BMP15: variants seen among roughly 807,000 people sequenced by gnomAD.
BMP15 encodes growth/differentiation factor 9B.
A neutral mutation model predicts 4.4 loss-of-function variants in BMP15; 5 were observed. The observed-to-expected ratio is 1.13, with a 90% CI of 0.59 to 2.38. BMP15 has a LOEUF of 2.38. BMP15 is among the 30% of genes most tolerant of loss of function. The probability of loss-of-function intolerance (pLI) is 0.01; values close to 1 mark genes in which losing one functional copy is unlikely to be tolerated. For synonymous variants in BMP15, 125 were observed against 114.6 expected (o/e 1.09, Z -0.58); for missense variants, 339 against 309.8 (o/e 1.09, Z -0.71).
chrX:50,910,972 A>G lies in BMP15; in HGVS notation c.189A>G (p.Leu63=), dbSNP rs1923001907. 1 of 1,190,298 alleles carries G rather than the reference A, an allele frequency of 8.4e-7. No individual in the cohort carries two copies. ...AACAGCCAAGGAAGCCCCGGCTCCTAGGGCATTCACTGCGGTACATGCTGG... is the reference window on the plus strand; with the variant it reads ...AACAGCCAAGGAAGCCCCGGCTCCTGGGGCATTCACTGCGGTACATGCTGG... ...PGEQPRKPRL[L]GHSLRYMLEL... The change falls in exon 1 of 2, where the codon CTA becomes CTG. Residue 63 remains leucine (L), a synonymous_variant. Coordinates refer to ENST00000252677, the MANE Select transcript of BMP15 (RefSeq NM_005448.2).
In BMP15 at chrX:50,916,163, G is replaced by A. The variant is rs781814183; in HGVS notation, c.735G>A (p.Lys245=). 2.5e-6 allele frequency: 3 copies of A among 1,211,569 alleles called. No homozygotes were observed. Among genetic ancestry groups the A allele is most frequent in the Non-Finnish European group, 3.4e-6 (3 of 895,496 alleles). ...ATGATACTCATAAAAGCATTCGGAA[G>A]GCTAAATTTCTTCCCAGGGGCATGG... ...YFNDTHKSIR[K]AKFLPRGMEE... Residue 245 remains lysine (K), a synonymous_variant, in exon 2 of 2, where the codon AAG becomes AAA. Coordinates refer to ENST00000252677, the MANE Select transcript of BMP15 (RefSeq NM_005448.2).
intron 1 of BMP15, among the ~76,000 whole-genome samples, chrX:50,912,850 A>T (rs1557280063): frequency 8.9e-6 from 1 of 111,926 alleles, no homozygotes; most frequent in African/African-American, 3.3e-5. Context: ...GGTTGTTAAG[A>T]TAGAGAATGG....
intron 1 of BMP15, 36 bp downstream of exon 1, chrX:50,911,147 A>G (rs1923007507): frequency 8.8e-7 from 1 of 1,132,521 alleles, no homozygotes; most frequent in African/African-American, 1.8e-5. Flanking sequence ...CCTGGAAGGG[A>G]GAGAAGTGGA....
rs782227114 is a variant in BMP15, at chrX:50,916,015, A to G, written c.587A>G (p.Asn196Ser). Reference sequence around the variant, plus strand: ...CAACTTGTTCAGCAAAGGTTCTGGAATAACAAGGGACACAGGATCCTACGA... The same window carrying G: ...CAACTTGTTCAGCAAAGGTTCTGGAGTAACAAGGGACACAGGATCCTACGA... The part of the protein sequence containing the change: ...ITQLVQQRFW[N>S]NKGHRILRLR... The change falls in exon 2 of 2, where the codon AAT (asparagine) becomes AGT (serine). Residue 196 changes from asparagine to serine, a missense_variant. Transcript: ENST00000252677. 2 of 1,212,084 alleles carry G rather than the reference A, an allele frequency of 1.7e-6. No homozygotes were observed. Among genetic ancestry groups the G allele is most frequent in the Non-Finnish European group, 2.2e-6 (2 of 895,622 alleles).
chrX:50,911,800 G>A (rs1169637324), intron 1 of BMP15, among the ~76,000 whole-genome samples: 10 of 111,447 alleles, frequency 9.0e-5, no homozygotes, highest in African/African-American at 3.3e-4. Context: ...ACCCCCAATA[G>A]TTTTTCTACT....
rs1557279929 is a variant in BMP15, at chrX:50,911,036, A to G, written c.253A>G (p.Arg85Gly). The change falls in exon 1 of 2, where the codon AGA becomes GGA. Residue 85 changes from arginine to glycine, a missense_variant. Physicochemically the swap from Arg to Gly is moderately radical, Grantham distance 125. Transcript: ENST00000252677. ...TTCAGCTGACTCGCATGGGCACCCT[A>G]GAGAGAACCGCACCATTGGGGCCAC... is the stretch of plus-strand genomic sequence containing the variant. ...RRSADSHGHP[R>G]ENRTIGATMV... The G allele has an allele frequency of 8.3e-7, 1 of 1,199,197 alleles. No homozygotes were observed. Among genetic ancestry groups the G allele is most frequent in the Admixed American group, 2.2e-5 (1 of 44,776 alleles).
chrX:50,916,095 G>A lies in BMP15; in HGVS notation c.667G>A (p.Gly223Ser), dbSNP rs782567365. Residue 223 changes from glycine (G) to serine (S), a missense_variant, in exon 2 of 2, where the codon GGC becomes AGC. Transcript: ENST00000252677. Reference sequence around the variant, plus strand: ...TAGTGGTGGTCTTGAGCTCTGGCATGGCACTTCATCCTTGGACATTGCCTT... The same window carrying A: ...TAGTGGTGGTCTTGAGCTCTGGCATAGCACTTCATCCTTGGACATTGCCTT... The part of the protein sequence containing the change: ...KDSGGLELWH[G>S]TSSLDIAFLL... 2 of 1,210,013 alleles carry A rather than the reference G, an allele frequency of 1.7e-6. No homozygotes were observed. The highest frequency in any genetic ancestry group is 1.8e-5 in the African/African-American group (1 of 57,120).
At chrX:50,912,627 T>C (rs1372037782) in intron 1 of BMP15, among the ~76,000 whole-genome samples, 3 of 111,278 alleles carry the variant, frequency 2.7e-5, no homozygotes, top group Non-Finnish European at 3.8e-5. Context: ...GATAAGTGCA[T>C]TCTGATTTAG....
chrX:50,910,775 C>G lies in BMP15; in HGVS notation c.-9C>G, dbSNP rs3810682. The G allele has an allele frequency of 0.21, 250,592 of 1,198,204 alleles. 18,782 individuals are homozygous for G. The highest frequency in any genetic ancestry group is 0.24 in the Middle Eastern group (1,059 of 4,343). On this transcript the variant is annotated 5_prime_UTR_variant, in exon 1 of 2. Coordinates refer to ENST00000252677, the MANE Select transcript of BMP15 (RefSeq NM_005448.2). ...TTGGGGCCTGTTGTTGAACACTAAG[C>G]CTTTCAAGATGGTCCTCCTCAGTAT...
At chrX:50,911,901 T>G (rs781959753) in intron 1 of BMP15, among the ~76,000 whole-genome samples, 10 of 111,551 alleles carry the variant, frequency 9.0e-5, no homozygotes, top group Admixed American at 2.9e-4. Flanking sequence ...TTTTAACATT[T>G]GCATCAGACA....
Position 50,916,178 on chromosome X carries a change from CA to C in BMP15, c.751del (p.Arg251GlyfsTer119). On this transcript the variant is annotated frameshift_variant, in exon 2 of 2. Coordinates refer to ENST00000252677, the MANE Select transcript of BMP15 (RefSeq NM_005448.2). LOFTEE classifies it low-confidence loss of function (END_TRUNC). ...KSIRKAKFLPRGMEEFMERES... is the reference protein window; with the variant it reads ...KSIRKAKFLPXGMEEFMERES... Reference sequence around the variant, plus strand: ...GCATTCGGAAGGCTAAATTTCTTCCCAGGGGCATGGAGGAGTTCATGGAAAG... The same window carrying C: ...GCATTCGGAAGGCTAAATTTCTTCCCGGGGCATGGAGGAGTTCATGGAAAG... 5.0e-6 allele frequency: 6 copies of C among 1,209,127 alleles called. No homozygotes were observed. Among genetic ancestry groups the C allele is most frequent in the Non-Finnish European group, 6.7e-6 (6 of 895,444 alleles).
At chrX:50,914,810 G>T (rs1923093696) in intron 1 of BMP15, among the ~76,000 whole-genome samples, 1 of 111,620 alleles carries the variant, frequency 9.0e-6, no homozygotes, top group Non-Finnish European at 1.9e-5. Context: ...CCGGGAGGGG[G>T]TGCAGAAGTT....
chrX:50,916,152 A>G lies in BMP15; in HGVS notation c.724A>G (p.Ser242Gly), dbSNP rs1923126955. The G allele has an allele frequency of 8.3e-7, 1 of 1,211,652 alleles. No homozygotes were observed. The highest frequency in any genetic ancestry group is 2.2e-5 in the Admixed American group (1 of 45,979). ...LLLYFNDTHK[S>G]IRKAKFLPRG... ...ACTCTATTTCAATGATACTCATAAA[A>G]GCATTCGGAAGGCTAAATTTCTTCC... Residue 242 changes from serine (S) to glycine (G), a missense_variant, in exon 2 of 2, where the codon AGC becomes GGC. Ser to Gly is a moderately conservative substitution (Grantham distance 56). Transcript: ENST00000252677.
intron 1 of BMP15, among the ~76,000 whole-genome samples, chrX:50,914,186 G>A (rs782429735): frequency 9.0e-6 from 1 of 111,367 alleles, no homozygotes; most frequent in Non-Finnish European, 1.9e-5. Flanking sequence ...TGGCCAGGCT[G>A]GTCTCAAACT....
At position 50,916,475 on chromosome X, in the gene BMP15, C is replaced by T. The variant is rs570294271; in HGVS notation, c.1047C>T (p.Asp349=). 1 of 1,211,402 alleles carries T rather than the reference C, an allele frequency of 8.3e-7. No individual in the cohort carries two copies. The highest frequency in any genetic ancestry group is 1.8e-5 in the South Asian group (1 of 56,918). Residue 349 remains aspartate, a synonymous_variant, in exon 2 of 2, where the codon GAC becomes GAT. Coordinates refer to ENST00000252677, the MANE Select transcript of BMP15 (RefSeq NM_005448.2). ...IIQNLINQLV[D]QSVPRPSCVP... Reference sequence around the variant, plus strand: ...AGAACCTTATCAATCAGTTGGTGGACCAGAGTGTCCCCCGGCCCTCCTGTG... The same window carrying T: ...AGAACCTTATCAATCAGTTGGTGGATCAGAGTGTCCCCCGGCCCTCCTGTG...
At chrX:50,914,116 GCC>G (rs1923071658) in intron 1 of BMP15, among the ~76,000 whole-genome samples, 2 of 111,615 alleles carry the variant, frequency 1.8e-5, no homozygotes, top group Non-Finnish European at 3.8e-5. Flanking sequence ...GATTACAGGT[GCC>G]TGCCACCACG....
chrX:50,915,194 G>C (rs1923100570), intron 1 of BMP15, among the ~76,000 whole-genome samples: 1 of 111,106 alleles, frequency 9.0e-6, no homozygotes, highest in Non-Finnish European at 1.9e-5. Flanking sequence ...AATTATAGCA[G>C]GCCATAGCAC....
Position 50,916,375 on chromosome X carries a change from C to T in BMP15, c.947C>T (p.Thr316Ile). 2 of 1,196,587 alleles carry T rather than the reference C, an allele frequency of 1.7e-6. No individual in the cohort carries two copies. The highest frequency in any genetic ancestry group is 2.3e-6 in the Non-Finnish European group (2 of 886,845). ...DHWIIAPPFY[T>I]PNYCKGTCLR... ...TGGATCATTGCTCCCCCTTTCTACACCCCAAACTACTGTAAAGGAACTTGT... is the reference window on the plus strand; with the variant it reads ...TGGATCATTGCTCCCCCTTTCTACATCCCAAACTACTGTAAAGGAACTTGT... The change falls in exon 2 of 2, where the codon ACC becomes ATC. Residue 316 changes from threonine (T) to isoleucine (I), a missense_variant. By Grantham distance (89) the Thr-to-Ile change is moderately conservative. Transcript: ENST00000252677.
At position 50,916,097 on chromosome X, in the gene BMP15, C is replaced by A; in HGVS notation, c.669C>A (p.Gly223=). 1 of 1,211,965 alleles carries A rather than the reference C, an allele frequency of 8.3e-7. No homozygotes were observed. The highest frequency in any genetic ancestry group is 1.1e-6 in the Non-Finnish European group (1 of 895,565). The change falls in exon 2 of 2, where the codon GGC becomes GGA. Residue 223 remains glycine (G), a synonymous_variant. Transcript: ENST00000252677. ...KDSGGLELWH[G]TSSLDIAFLL... is the part of the protein sequence containing the mutation. ...GTGGTGGTCTTGAGCTCTGGCATGGCACTTCATCCTTGGACATTGCCTTCT... is the reference window on the plus strand; with the variant it reads ...GTGGTGGTCTTGAGCTCTGGCATGGAACTTCATCCTTGGACATTGCCTTCT...
Sources: gnomAD v4.1 joint callset for allele counts (sites outside exome capture counted in the v4.1 genomes callset) on GRCh38, gnomAD v4.1.1 for gene constraint, MANE v1.5 for transcripts, NCBI Gene and HGNC (gene_info 2026-07-23, HGNC 2026-07-21) for gene names.